The following ALDH18A1 variants were observed in gnomAD, a reference collection of about 807,000 sequenced individuals.
ALDH18A1 encodes the protein aldehyde dehydrogenase 18 family member A1, also known as delta-1-pyrroline-5-carboxylate synthase.
A neutral mutation model predicts 88.8 loss-of-function variants in ALDH18A1; 44 were observed. The observed-to-expected ratio is 0.50, with a 90% CI of 0.39 to 0.64. The LOEUF (loss-of-function observed/expected upper bound fraction) is 0.64. Among genes scored for constraint, ALDH18A1 ranks in the 30% least tolerant of loss-of-function variants. The pLI is 0.00. For synonymous variants in ALDH18A1, 331 were observed against 372.1 expected (o/e 0.89, Z 1.27); for missense variants, 782 against 1,009.5 (o/e 0.77, Z 3.05).
In ALDH18A1 at chr10:95,608,178, G is replaced by A. The variant is rs537280138; in HGVS notation, c.2207-1235C>T. ...ATTTAACTCAACCAGCTTTCACTCT[G>A]AGCTGGTGTTGGAAGGACAATGAAA... On this transcript the variant is annotated intron_variant, in intron 17 of 17. Coordinates refer to ENST00000371224, the MANE Select transcript of ALDH18A1 (RefSeq NM_002860.4). Among the ~76,000 whole-genome samples the A allele has an allele frequency of 5.9e-5, 9 of 152,342 alleles. No individual in the cohort carries two copies. In the East Asian group the frequency reaches 1.5e-3, roughly 26 times the overall value.
At chr10:95,619,739 A>G (rs1176763375) in intron 12 of ALDH18A1, among the ~76,000 whole-genome samples, 3 of 152,240 alleles carry the variant, frequency 2.0e-5, no homozygotes, top group Non-Finnish European at 4.4e-5. Flanking sequence ...AGCCATATGT[A>G]GAGAGCTGAA....
intron 12 of ALDH18A1, among the ~76,000 whole-genome samples, chr10:95,617,923 A>G (rs1425733001): frequency 6.6e-6 from 1 of 152,128 alleles, no homozygotes; most frequent in Admixed American, 6.5e-5. Context: ...CCAGAGAGGT[A>G]GTGTGCCAGC....
rs913305147 is a variant in ALDH18A1, at chr10:95,632,954, T to G, written c.808+5A>C. On this transcript the variant is annotated splice_donor_5th_base_variant and intron_variant, in intron 7 of 17. Transcript: ENST00000371224. ...CAGATAAAGGAAAAAAGCATTACTT[T>G]GTACCTTCTACATCTGAAAGAACAA... The G allele has an allele frequency of 1.9e-6, 3 of 1,613,244 alleles. No individual in the cohort carries two copies. The highest frequency in any genetic ancestry group is 2.5e-6 in the Non-Finnish European group (3 of 1,179,132).
chr10:95,611,512 G>C, intron 15 of ALDH18A1, 70 bp from the exon 16 acceptor site: 1 of 1,563,722 alleles, frequency 6.4e-7, no homozygotes, highest in Non-Finnish European at 8.8e-7. Flanking sequence ...GGATAGAACA[G>C]AAAGGTGAGC....
chr10:95,611,224 A>G (rs1197206095), intron 16 of ALDH18A1, 32 bp downstream of exon 16: 1 of 1,612,616 alleles, frequency 6.2e-7, no homozygotes, highest in African/African-American at 1.3e-5. Context: ...GCAAAGGCAG[A>G]CACTGTATGC....
chr10:95,653,529 T>C (rs2097913601), intron 1 of ALDH18A1, 124 bp from the exon 2 acceptor site: 2 of 773,508 alleles, frequency 2.6e-6, no homozygotes, highest in Admixed American at 2.1e-5. Context: ...TCCTCTGTAT[T>C]AGGGAAACTC....
chr10:95,611,709 C>T (rs906606475), intron 15 of ALDH18A1, among the ~76,000 whole-genome samples: 1 of 152,092 alleles, frequency 6.6e-6, no homozygotes, highest in Admixed American at 6.6e-5. Flanking sequence ...TGGTGGCTCA[C>T]GCCTGTAATC....
chr10:95,611,392 G>A lies in ALDH18A1; in HGVS notation c.1974C>T (p.Pro658=), dbSNP rs189509801. ...CAGTTCGGAGTGACTTCACTTCGGAGGGGCTGAAGGTCAGATAGGAGGCAA... is the reference window on the plus strand; with the variant it reads ...CAGTTCGGAGTGACTTCACTTCGGAAGGGCTGAAGGTCAGATAGGAGGCAA... ...PKFASYLTFS[P]SEVKSLRTEY... The change falls in exon 16 of 18, where the codon CCC becomes CCT. Residue 658 remains proline, a synonymous_variant. Transcript: ENST00000371224. 4.3e-6 allele frequency: 7 copies of A among 1,614,204 alleles called. No homozygotes were observed. In the East Asian group the frequency reaches 8.9e-5, roughly 21 times the overall value.
chr10:95,629,269 G>A (rs1012206970), intron 7 of ALDH18A1, among the ~76,000 whole-genome samples: 10 of 152,196 alleles, frequency 6.6e-5, no homozygotes, highest in African/African-American at 2.4e-4. Context: ...GGACACAGAT[G>A]GGGAGGCTGG....
intron 2 of ALDH18A1, among the ~76,000 whole-genome samples, chr10:95,650,297 G>C (rs980878965): frequency 3.5e-4 from 54 of 152,294 alleles, no homozygotes; most frequent in East Asian, 1.3e-3. Context: ...GACAAGCTAT[G>C]AGACTGGGAG....
Position 95,611,425 on chromosome 10 carries a change from G to C in ALDH18A1, c.1941C>G (p.Gly647=). 6.2e-7 allele frequency: 1 copy of C among 1,614,160 alleles called. No individual in the cohort carries two copies. The highest frequency in any genetic ancestry group is 8.5e-7 in the Non-Finnish European group (1 of 1,180,020). The change falls in exon 16 of 18, where the codon GGC becomes GGG. Residue 647 remains glycine (G), a synonymous_variant. Transcript: ENST00000371224. ...LRVEQVKIHA[G]PKFASYLTFS... ...AGGTCAGATAGGAGGCAAATTTGGGGCCTGCATGAATTTTTACCTGGAACA... is the reference window on the plus strand; with the variant it reads ...AGGTCAGATAGGAGGCAAATTTGGGCCCTGCATGAATTTTTACCTGGAACA...
intron 11 of ALDH18A1, among the ~76,000 whole-genome samples, chr10:95,625,152 T>TG (rs2097858523): frequency 6.6e-6 from 1 of 152,072 alleles, no homozygotes; most frequent in Admixed American, 6.6e-5. Flanking sequence ...CTGTGGGGAA[T>TG]GAAAAAAGCT....
intron 3 of ALDH18A1, 51 bp downstream of exon 3, chr10:95,642,941 C>G: frequency 6.4e-7 from 1 of 1,572,962 alleles, no homozygotes; most frequent in Middle Eastern, 2.3e-4. Flanking sequence ...TCTGAACTAG[C>G]GACTTAAAAA....
chr10:95,636,978 C>G, intron 5 of ALDH18A1, 115 bp downstream of exon 5: 1 of 976,786 alleles, frequency 1.0e-6, no homozygotes, highest in South Asian at 1.4e-5. Context: ...CTTCAGATCT[C>G]AAGTAGCAAG....
intron 7 of ALDH18A1, among the ~76,000 whole-genome samples, chr10:95,630,502 G>A (rs1339408847): frequency 6.6e-6 from 1 of 152,198 alleles, no homozygotes; most frequent in Non-Finnish European, 1.5e-5. Flanking sequence ...CACGAGGTGA[G>A]GAGTTCAAGA....
intron 17 of ALDH18A1, among the ~76,000 whole-genome samples, chr10:95,608,865 T>C (rs1213824103): frequency 6.6e-6 from 1 of 152,114 alleles, no homozygotes; most frequent in Non-Finnish European, 1.5e-5. Flanking sequence ...AATGTATTAT[T>C]GGAGGTTTTT....
chr10:95,610,932 G>C (rs1254420093), intron 16 of ALDH18A1, among the ~76,000 whole-genome samples: 1 of 152,172 alleles, frequency 6.6e-6, no homozygotes, highest in African/African-American at 2.4e-5. Context: ...TGCAGAGTTG[G>C]TTCTGCCTTG....
intron 12 of ALDH18A1, among the ~76,000 whole-genome samples, chr10:95,618,180 T>C (rs932846987): frequency 9.9e-5 from 15 of 152,086 alleles, no homozygotes; most frequent in African/African-American, 3.6e-4. Flanking sequence ...CTCCCAGAAT[T>C]CTGGGAGGCA....
intron 17 of ALDH18A1, among the ~76,000 whole-genome samples, chr10:95,609,232 C>T (rs575657320): frequency 2.6e-4 from 39 of 152,320 alleles, no homozygotes; most frequent in African/African-American, 8.2e-4. Context: ...AACCCCAACA[C>T]GACAGAGGGC....
Sources: allele counts gnomAD v4.1 joint callset (sites outside exome capture counted in the v4.1 genomes callset), GRCh38; gene constraint gnomAD v4.1.1; transcripts MANE v1.5; gene names NCBI Gene and HGNC (gene_info 2026-07-23, HGNC 2026-07-21).